The following KANK2 variants were observed in gnomAD, a reference collection of about 807,000 sequenced individuals.
KANK2 encodes KN motif and ankyrin repeat domain-containing protein 2.
In KANK2, 41 loss-of-function variants were observed where a neutral mutation model predicts 74.6. The observed-to-expected ratio is 0.55, with a 90% confidence interval of 0.43 to 0.71. KANK2 has a LOEUF of 0.71. Ranked by LOEUF, KANK2 falls within the 30% of genes least tolerant of loss-of-function variation. The pLI, the probability that KANK2 is intolerant of heterozygous loss-of-function variation, is 0.00. For synonymous variants in KANK2, 537 were observed against 519.0 expected (o/e 1.03, Z -0.47); for missense variants, 1,148 against 1,196.4 (o/e 0.96, Z 0.60).
intron 4 of KANK2, 25 bp downstream of exon 4, chr19:11,192,806 C>G (rs1391583505): frequency 1.9e-6 from 3 of 1,541,940 alleles, no homozygotes; most frequent in Non-Finnish European, 2.7e-6. Context: ...AAGCCATTCT[C>G]CCCTGCCTGC....
intron 12 of KANK2, among the ~76,000 whole-genome samples, chr19:11,168,363 A>G (rs1276947359): frequency 6.7e-6 from 1 of 149,388 alleles, no homozygotes; most frequent in East Asian, 2.0e-4. Flanking sequence ...TGATGCAACC[A>G]TGGCTCACTG....
intron 10 of KANK2, 96 bp downstream of exon 10, chr19:11,172,885 T>C: frequency 7.4e-7 from 1 of 1,353,544 alleles, no homozygotes; most frequent in Non-Finnish European, 1.0e-6. Context: ...AGCAGGGCTC[T>C]GGAGTTAGAC....
rs945190168 is a variant in KANK2 at position 11,173,559 on chromosome 19, C to T, written c.2069-436G>A. ...TCTTTCCAAGCCCCAGACTTGAGGACGCATCCCTCTCTTAGACCAGGGCTC... is the reference window on the plus strand; with the variant it reads ...TCTTTCCAAGCCCCAGACTTGAGGATGCATCCCTCTCTTAGACCAGGGCTC... On this transcript the variant is annotated intron_variant, in intron 9 of 12. Transcript: ENST00000586659. 3.3e-5 allele frequency among the ~76,000 whole-genome samples: 5 copies of T among 152,290 alleles called. No individual in the cohort carries two copies. In the South Asian group the frequency reaches 8.3e-4, roughly 25 times the overall value.
chr19:11,197,615 C>G (rs1479525541), upstream of KANK2: 1 of 151,658 alleles, frequency 6.6e-6, no homozygotes, highest in Non-Finnish European at 1.5e-5. Context: ...GTCCCGCCCC[C>G]CCAGCCGGCA....
intron 10 of KANK2, among the ~76,000 whole-genome samples, chr19:11,171,193 T>TA (rs1457326742): frequency 6.6e-6 from 1 of 152,116 alleles, no homozygotes; most frequent in African/African-American, 2.4e-5. Context: ...CCCCAGGAGT[T>TA]AGAGATCAGT....
Position 11,170,303 on chromosome 19 carries a change from C to A in KANK2, c.2212-55G>T. 1 of 1,476,936 alleles carries A rather than the reference C, an allele frequency of 6.8e-7. No homozygotes were observed. The highest frequency in any genetic ancestry group is 9.3e-7 in the Non-Finnish European group (1 of 1,071,250). The allele number at this position is 1,476,936 out of a possible 1,614,324, so 91.5% of individuals were successfully genotyped here. Reference sequence around the variant, plus strand: ...TCATGCAGGCCCCAGGGCAGGACACCCCCTGGTCTAGAACCTGCTGTAGCT... The same window carrying A: ...TCATGCAGGCCCCAGGGCAGGACACACCCTGGTCTAGAACCTGCTGTAGCT... On this transcript the variant is annotated intron_variant, in intron 10 of 12. Coordinates refer to ENST00000586659, the MANE Select transcript of KANK2 (RefSeq NM_001136191.3). This position sits in a 1 kb window ranked among gnomAD's most constrained non-coding sequence, Gnocchi z 5.2.
intron 4 of KANK2, among the ~76,000 whole-genome samples, chr19:11,189,941 G>C (rs1342080687): frequency 6.6e-6 from 1 of 152,138 alleles, no homozygotes; most frequent in Non-Finnish European, 1.5e-5. Context: ...GAACAGGCGG[G>C]TGGTGTCCAG....
In KANK2 at chr19:11,170,257, G is replaced by A; in HGVS notation, c.2212-9C>T. ...AGGGCCGTCTGTCCTGCCTGGGGAG[G>A]GCAAGGAACAGGATTATGGTTCATG... is the stretch of plus-strand genomic sequence containing the variant. On this transcript the variant is annotated splice_polypyrimidine_tract_variant and intron_variant, in intron 10 of 12. Transcript: ENST00000586659. This position sits in a 1 kb window ranked among gnomAD's most constrained non-coding sequence, Gnocchi z 5.2. 6.2e-7 allele frequency: 1 copy of A among 1,608,070 alleles called. No homozygotes were observed.
At chr19:11,192,783 G>GCCC (rs35706290) in intron 4 of KANK2, 48 bp downstream of exon 4, 3 of 1,444,798 alleles carry the variant, frequency 2.1e-6, no homozygotes, top group East Asian at 2.6e-5. Flanking sequence ...GAAGAAAGAG[G>GCCC]CCCCCCCCCC....
chr19:11,175,427 CAAAAAA>C (rs753933217), intron 8 of KANK2, among the ~76,000 whole-genome samples: 111 of 14,948 alleles, frequency 7.4e-3, no homozygotes, highest in East Asian at 0.022. Context: ...GACTCCCTCT[CAAAAAA>C]AAAAAAAAAA....
intron 7 of KANK2, 91 bp downstream of exon 7, chr19:11,176,487 G>A (rs1290424159): frequency 1.4e-6 from 2 of 1,382,720 alleles, no homozygotes; most frequent in Non-Finnish European, 2.0e-6. Flanking sequence ...ACTGATAGGA[G>A]GGTCCTTCAA....
Position 11,192,584 on chromosome 19 carries a change from C to T in KANK2, c.1249+247G>A, listed in dbSNP as rs1010377640. On this transcript the variant is annotated intron_variant, in intron 4 of 12. Coordinates refer to ENST00000586659, the MANE Select transcript of KANK2 (RefSeq NM_001136191.3). The stretch of plus-strand genomic sequence containing the variant: ...TGGGTAGCTGAGGTTTACAGGCGCA[C>T]GCCACCACACCTGGCTAATTTTTGT... 1.5e-4 allele frequency: 66 copies of T among 439,416 alleles called. 2 individuals are homozygous for T. Among genetic ancestry groups the T allele is most frequent in the South Asian group, 9.1e-4 (46 of 50,712 alleles). The allele number at this position is 439,416 out of a possible 1,614,324, so 27.2% of individuals were successfully genotyped here.
chr19:11,189,314 G>A (rs989573036), intron 4 of KANK2, among the ~76,000 whole-genome samples: 6 of 152,080 alleles, frequency 3.9e-5, no homozygotes, highest in South Asian at 2.1e-4. Context: ...CAGGACCCCC[G>A]ATTTGCAAAT....
chr19:11,178,248 A>C, intron 6 of KANK2, 97 bp downstream of exon 6: 2 of 1,046,624 alleles, frequency 1.9e-6, no homozygotes, highest in Non-Finnish European at 2.6e-6. Flanking sequence ...AACCAAAGCA[A>C]GGAGCTCAGA....
chr19:11,184,726 A>G (rs1434906008), intron 4 of KANK2, among the ~76,000 whole-genome samples: 1 of 149,556 alleles, frequency 6.7e-6, no homozygotes, highest in Non-Finnish European at 1.5e-5. Flanking sequence ...TGTGAAAAAA[A>G]AAAATCAATA....
intron 10 of KANK2, among the ~76,000 whole-genome samples, chr19:11,172,068 C>T (rs1600807290): frequency 6.6e-6 from 1 of 151,014 alleles, no homozygotes; most frequent in East Asian, 2.0e-4. Context: ...TTCCACCTCC[C>T]AGGTTCAAGC....
intron 4 of KANK2, among the ~76,000 whole-genome samples, chr19:11,180,514 G>A (rs555037227): frequency 1.8e-4 from 28 of 152,138 alleles, no homozygotes; most frequent in Admixed American, 1.5e-3. Flanking sequence ...AGACAGGGCC[G>A]GCTGCATGAG....
intron 4 of KANK2, among the ~76,000 whole-genome samples, chr19:11,188,358 G>A (rs1036979846): frequency 4.3e-4 from 66 of 151,932 alleles, no homozygotes; most frequent in African/African-American, 1.5e-3. Context: ...ACAGGTGTGT[G>A]CCACCACACC....
intron 4 of KANK2, among the ~76,000 whole-genome samples, chr19:11,179,619 CAGAG>C (rs923532117): frequency 6.6e-6 from 1 of 151,080 alleles, no homozygotes. Flanking sequence ...GCCTGGGTAA[CAGAG>C]AGAGACTGTC....
Sources: allele counts gnomAD v4.1 joint callset (sites outside exome capture counted in the v4.1 genomes callset), GRCh38; gene constraint gnomAD v4.1.1; non-coding constraint Gnocchi (gnomAD v3.1); transcripts MANE v1.5; gene names NCBI Gene and HGNC (gene_info 2026-07-23, HGNC 2026-07-21).